Variants in NAGK observed in about 807,000 individuals in gnomAD.
The protein encoded by NAGK is N-acetyl-D-glucosamine kinase.
Under a neutral mutation model 42.9 loss-of-function variants are expected in NAGK, and 35 were observed. The ratio of observed to expected loss-of-function variants is 0.82; its 90% CI spans 0.62 to 1.08. NAGK has a LOEUF of 1.08. Ranked by LOEUF, NAGK falls within the 50% of genes least tolerant of loss-of-function variation. The probability of loss-of-function intolerance (pLI) is 0.00; values close to 1 mark genes in which losing one functional copy is unlikely to be tolerated. For missense variants in NAGK, 446 were observed against 446.0 expected, an observed-to-expected ratio of 1.00 and a Z score of 0.00; for synonymous variants, 172 against 176.0, an observed-to-expected ratio of 0.98 and a Z score of 0.18.
chr2:71,070,247 T>A, intron 1 of NAGK: 1 of 388,642 alleles, frequency 2.6e-6, no homozygotes, highest in Non-Finnish European at 4.9e-6. Flanking sequence ...TCAGAAAAGG[T>A]TTCGAGGACT....
rs1356050337 is a variant in NAGK, at chr2:71,071,767, A to C, written c.295A>C (p.Ser99Arg). 1 of 1,614,126 alleles carries C rather than the reference A, an allele frequency of 6.2e-7. No individual in the cohort carries two copies. The highest frequency in any genetic ancestry group is 8.5e-7 in the Non-Finnish European group (1 of 1,180,018). The change falls in exon 4 of 10, where the codon AGT becomes CGT. Residue 99 changes from serine (S) to arginine (R), a missense_variant. Ser to Arg is a moderately radical substitution (Grantham distance 110, BLOSUM62 -1). Transcript: ENST00000244204. ...GCTGAGGGACCGATTTCCCTACCTG[A>C]GTGAAAGCTACTTAATCACCACCGA... ...EELRDRFPYL[S>R]ESYLITTDAA...
In NAGK at chr2:71,077,651, AGGCTGGAAGGGCAAGGGCAGGGGACGG is replaced by A. The variant is rs781728394; in HGVS notation, c.844+24_844+50del. 3.8e-6 allele frequency: 6 copies of A among 1,595,324 alleles called. No individual in the cohort carries two copies. On this transcript the variant is annotated intron_variant, in intron 9 of 9. Transcript: ENST00000244204. ...GCTGAAGGAAGGTGAGCCTGGGGGGAGGCTGGAAGGGCAAGGGCAGGGGACGGGGCTGGAAAGGAGGTGGCCCAGGAA... is the reference window on the plus strand; with the variant it reads ...GCTGAAGGAAGGTGAGCCTGGGGGGAGGCTGGAAAGGAGGTGGCCCAGGAA...
rs371918677 is a variant in NAGK, at chr2:71,075,628, G to A, written c.653G>A (p.Arg218Gln). ...FDKCRFAGFC[R>Q]KIAEGAQQGD... ...AAATGCAGGTTTGCTGGGTTTTGCC[G>A]GAAAATTGCAGAAGGTACTGGAGGT... is the stretch of plus-strand genomic sequence containing the variant. The change falls in exon 7 of 10, where the codon CGG (arginine) becomes CAG (glutamine). Residue 218 changes from arginine (R) to glutamine (Q), a missense_variant. Physicochemically the swap from Arg to Gln is conservative, Grantham distance 43. Coordinates refer to ENST00000244204, the MANE Select transcript of NAGK (RefSeq NM_017567.6). The A allele has an allele frequency of 2.5e-5, 41 of 1,613,524 alleles. No homozygotes were observed. Among genetic ancestry groups the A allele is most frequent in the Middle Eastern group, 3.3e-4 (2 of 6,078 alleles).
At chr2:71,070,647 G>A in intron 2 of NAGK, 61 bp downstream of exon 2, 1 of 1,605,054 alleles carries the variant, frequency 6.2e-7, no homozygotes, top group Non-Finnish European at 8.5e-7. Context: ...TGTAATTCCT[G>A]TTGAGGTGGT....
intron 1 of NAGK, chr2:71,070,234 A>C (rs2103691391): frequency 2.7e-6 from 1 of 370,396 alleles, no homozygotes; most frequent in East Asian, 6.1e-5. Flanking sequence ...GGTGGGCCAC[A>C]CCTCAGAAAA....
intron 8 of NAGK, 26 bp from the exon 9 acceptor site, chr2:71,077,532 A>G (rs759359767): frequency 1.5e-5 from 23 of 1,586,160 alleles, no homozygotes; most frequent in Non-Finnish European, 1.9e-5. Flanking sequence ...GTTGGCCCCC[A>G]TATCCATTTT....
chr2:71,076,672 A>G lies in NAGK; in HGVS notation c.736A>G (p.Ile246Val). The part of the protein sequence containing the change: ...RKAGEMLGRH[I>V]VAVLPEIDPV... ...GGCTGGGGAGATGCTGGGCAGACAC[A>G]TCGTAGCAGTGTTGCCCGAGATTGA... is the stretch of plus-strand genomic sequence containing the variant. The change falls in exon 8 of 10, where the codon ATC (isoleucine) becomes GTC (valine). Residue 246 changes from isoleucine to valine, a missense_variant. Transcript: ENST00000244204. The G allele has an allele frequency of 6.2e-7, 1 of 1,613,936 alleles. No individual in the cohort carries two copies. Among genetic ancestry groups the G allele is most frequent in the Non-Finnish European group, 8.5e-7 (1 of 1,179,888 alleles).
In NAGK at chr2:71,079,644, T is replaced by C. The variant is rs1203992762; in HGVS notation, c.*1136T>C. 3 of 151,960 alleles carry C rather than the reference T, an allele frequency of 2.0e-5. No homozygotes were observed. The highest frequency in any genetic ancestry group is 7.3e-5 in the African/African-American group (3 of 41,292). The allele number at this position is 151,960 out of a possible 1,614,324, so 9.4% of individuals were successfully genotyped here. A position where few individuals can be genotyped will look rare whatever the true frequency, so the allele number is the denominator to read the frequency against. ...AAAAATACAAAAAATTAACCGGGCG[T>C]GGTGTCGCGCGCCTGTAGTCCCAGC... On this transcript the variant is annotated 3_prime_UTR_variant, in exon 10 of 10. Transcript: ENST00000244204.
At chr2:71,068,521 C>T (rs1209116472), upstream of NAGK, 1 of 1,453,416 alleles carries the variant, frequency 6.9e-7, no homozygotes, top group Non-Finnish European at 9.1e-7. Flanking sequence ...CCATCCCCGG[C>T]TCCTACCGGC....
chr2:71,071,334 G>T, intron 3 of NAGK: 1 of 316,258 alleles, frequency 3.2e-6, no homozygotes, highest in East Asian at 6.1e-5. Flanking sequence ...TATGTGAGAT[G>T]TTCTGCAGAC....
At chr2:71,075,494 T>G in intron 6 of NAGK, 61 bp from the exon 7 acceptor site, 1 of 1,366,312 alleles carries the variant, frequency 7.3e-7, no homozygotes. Flanking sequence ...CCAACTTTGG[T>G]GGGCAGATTG....
At chr2:71,069,135 T>A in intron 1 of NAGK, 5 of 996,368 alleles carry the variant, frequency 5.0e-6, no homozygotes, top group Non-Finnish European at 6.0e-6. Flanking sequence ...TTGGCTGAGG[T>A]TATCCGGGAG....
At chr2:71,069,398 A>G (rs1344007779) in intron 1 of NAGK, 1 of 152,396 alleles carries the variant, frequency 6.6e-6, no homozygotes, top group African/African-American at 2.4e-5. Context: ...CAGTGGCAAC[A>G]TTCTGTGAAT....
At chr2:71,068,541 C>T (rs780563701), upstream of NAGK, 746 of 1,471,346 alleles carry the variant, frequency 5.1e-4, 1 homozygote, top group Middle Eastern at 2.6e-3. Flanking sequence ...CGCCCCGCCC[C>T]GCGCATGCGC....
chr2:71,076,298 T>G (rs980697012), intron 7 of NAGK: 2 of 252,032 alleles, frequency 7.9e-6, no homozygotes, highest in Admixed American at 5.1e-5. Flanking sequence ...TTACAGTAAC[T>G]CAGTGTGAGC....
At chr2:71,072,836 C>G in intron 5 of NAGK, 85 bp downstream of exon 5, 5 of 1,291,384 alleles carry the variant, frequency 3.9e-6, no homozygotes, top group Non-Finnish European at 4.4e-6. Context: ...CCTTGGCTCA[C>G]TGAGCCCTTG....
At position 71,068,704 on chromosome 2, in the gene NAGK, T is replaced by C. The variant is rs923423126; in HGVS notation, c.21T>C (p.Gly7=). ...GCAGCATGGCCGCGATCTATGGGGG[T>C]GTAGAGGGGTGAGTGCGGCCCGGCG... is the stretch of plus-strand genomic sequence containing the variant. MAAIYG[G]VEGGGTRSEV... Residue 7 remains glycine (G), a synonymous_variant, in exon 1 of 10, where the codon GGT becomes GGC. Transcript: ENST00000244204. The C allele has an allele frequency of 6.1e-6, 9 of 1,484,078 alleles. No individual in the cohort carries two copies. The highest frequency in any genetic ancestry group is 2.7e-5 in the Admixed American group (1 of 37,310). 91.9% of individuals were successfully genotyped at this position (1,484,078 alleles called of 1,614,324 possible). A position where few individuals can be genotyped will look rare whatever the true frequency, so the allele number is the denominator to read the frequency against.
intron 7 of NAGK, chr2:71,076,339 T>G: frequency 8.4e-6 from 3 of 356,656 alleles, no homozygotes; most frequent in East Asian, 1.3e-4. Flanking sequence ...GTGCATTCCT[T>G]TAGTGGGTGC....
chr2:71,069,735 C>T (rs1012119971), intron 1 of NAGK: 2 of 154,568 alleles, frequency 1.3e-5, no homozygotes, highest in African/African-American at 4.8e-5. Flanking sequence ...AATTTCATGT[C>T]CTCTTTGAGT....
Sources: allele counts gnomAD v4.1 joint callset, GRCh38; gene constraint gnomAD v4.1.1; transcripts MANE v1.5; gene names NCBI Gene and HGNC (gene_info 2026-07-23, HGNC 2026-07-21).